The following PLCB4 variants were observed in gnomAD, a reference collection of about 807,000 sequenced individuals.
PLCB4 encodes the protein phospholipase C beta 4, also known as 1-phosphatidylinositol 4,5-bisphosphate phosphodiesterase beta-4.
In PLCB4, 77 loss-of-function variants were observed where a neutral mutation model predicts 178.8. The ratio of observed to expected loss-of-function variants is 0.43; its 90% CI spans 0.36 to 0.52. The LOEUF is 0.52. Among genes scored for constraint, PLCB4 ranks in the 20% least tolerant of loss-of-function variants. The pLI, the probability that PLCB4 is intolerant of heterozygous loss-of-function variation, is 0.00. For synonymous variants in PLCB4, 496 were observed against 490.8 expected (o/e 1.01, Z -0.14); for missense variants, 1,024 against 1,453.4 (o/e 0.70, Z 4.80).
chr20:9,428,153 A>T (rs1423219863), intron 28 of PLCB4, among the ~76,000 whole-genome samples: 3 of 152,220 alleles, frequency 2.0e-5, no homozygotes, highest in African/African-American at 7.2e-5. Context: ...CTTAATTAAG[A>T]TGCCATTCCT....
At chr20:9,390,182 T>G (rs1231068653) in intron 16 of PLCB4, among the ~76,000 whole-genome samples, 1 of 152,152 alleles carries the variant, frequency 6.6e-6, no homozygotes, top group African/African-American at 2.4e-5. Context: ...ACCAAATCAT[T>G]TTAATGTGTT....
chr20:9,414,152 G>A (rs556829099), intron 25 of PLCB4, among the ~76,000 whole-genome samples: 7 of 152,324 alleles, frequency 4.6e-5, no homozygotes, highest in African/African-American at 7.2e-5. Flanking sequence ...TGTGTTGGAC[G>A]CTATGTGACT....
chr20:9,452,704 A>C (rs988036483), intron 32 of PLCB4, among the ~76,000 whole-genome samples: 10 of 152,354 alleles, frequency 6.6e-5, no homozygotes, highest in African/African-American at 2.4e-4. Flanking sequence ...AATGTTTTAA[A>C]TATCTGTAAA....
chr20:9,391,761 A>G (rs1377585774), intron 17 of PLCB4, among the ~76,000 whole-genome samples: 1 of 152,132 alleles, frequency 6.6e-6, no homozygotes, highest in Non-Finnish European at 1.5e-5. Context: ...CTGCTCTGCC[A>G]CACATGAAAG....
chr20:9,102,019 A>G (rs562790501), intron 2 of PLCB4, among the ~76,000 whole-genome samples: 6 of 151,754 alleles, frequency 4.0e-5, no homozygotes, highest in Non-Finnish European at 7.4e-5. Flanking sequence ...TAATTTTTGT[A>G]TTTTTAGTAG....
chr20:9,293,930 C>T (rs1278920494), intron 3 of PLCB4, among the ~76,000 whole-genome samples: 1 of 151,998 alleles, frequency 6.6e-6, no homozygotes, highest in Non-Finnish European at 1.5e-5. Context: ...GTGCAAAATG[C>T]TCAGTACCGG....
intron 2 of PLCB4, among the ~76,000 whole-genome samples, chr20:9,104,493 T>G (rs980853955): frequency 6.6e-6 from 1 of 152,120 alleles, no homozygotes; most frequent in African/African-American, 2.4e-5. Flanking sequence ...TCTCTCTGCC[T>G]CAGTCCTTCT....
At chr20:9,114,742 T>C (rs1338741442) in intron 2 of PLCB4, among the ~76,000 whole-genome samples, 3 of 152,186 alleles carry the variant, frequency 2.0e-5, no homozygotes, top group Admixed American at 6.5e-5. Context: ...AAAGGCAGCT[T>C]TCTGGAATCA....
intron 2 of PLCB4, among the ~76,000 whole-genome samples, chr20:9,160,892 G>T (rs1377009087): frequency 1.3e-5 from 2 of 152,140 alleles, no homozygotes; most frequent in African/African-American, 4.8e-5. Flanking sequence ...GCATGAAAAG[G>T]ACTTTTATTA....
intron 7 of PLCB4, among the ~76,000 whole-genome samples, chr20:9,361,076 G>A (rs2035283406): frequency 6.6e-6 from 1 of 152,114 alleles, no homozygotes; most frequent in South Asian, 2.1e-4. Context: ...TGTTGGTGGG[G>A]GAAAAATGGT....
intron 4 of PLCB4, among the ~76,000 whole-genome samples, chr20:9,311,805 A>G (rs775689866): frequency 1.3e-5 from 2 of 152,208 alleles, no homozygotes; most frequent in Non-Finnish European, 2.9e-5. Flanking sequence ...ATTCTTAAGA[A>G]GGAGACTGCC....
Position 9,435,552 on chromosome 20 carries a change from TCCCC to T in PLCB4, c.2525-7_2525-4del. ...ATTAACGGCTCATTGGGTTTTTTTT[TCCCC>T]TAGATATCGTGGATGCTTTATCAGA... On this transcript the variant is annotated splice_polypyrimidine_tract_variant and splice_region_variant and intron_variant, in intron 28 of 39. Transcript: ENST00000378473. 6.5e-7 allele frequency: 1 copy of T among 1,543,118 alleles called. No homozygotes were observed. Among genetic ancestry groups the T allele is most frequent in the Non-Finnish European group, 8.9e-7 (1 of 1,121,144 alleles).
chr20:9,292,259 A>G (rs1169904293), intron 3 of PLCB4, among the ~76,000 whole-genome samples: 1 of 152,212 alleles, frequency 6.6e-6, no homozygotes. Context: ...AGGCAAAATC[A>G]GGCTTCTAAA....
At chr20:9,184,705 A>C (rs2093303841) in intron 2 of PLCB4, among the ~76,000 whole-genome samples, 1 of 151,968 alleles carries the variant, frequency 6.6e-6, no homozygotes, top group Non-Finnish European at 1.5e-5. Flanking sequence ...GCCACTATGA[A>C]CCGATTTATG....
chr20:9,292,568 C>G (rs1327428066), intron 3 of PLCB4, among the ~76,000 whole-genome samples: 1 of 152,152 alleles, frequency 6.6e-6, no homozygotes, highest in Non-Finnish European at 1.5e-5. Flanking sequence ...AACAGAGGTT[C>G]AGGCCATAGA....
At chr20:9,265,253 C>T (rs1342184710) in intron 3 of PLCB4, among the ~76,000 whole-genome samples, 1 of 151,944 alleles carries the variant, frequency 6.6e-6, no homozygotes, top group Non-Finnish European at 1.5e-5. Context: ...GAGCTCAAGG[C>T]AGATGGATCA....
Position 9,194,378 on chromosome 20 carries a change from C to T in PLCB4, c.-78-23012C>T, listed in dbSNP as rs866373011. 4.6e-5 allele frequency among the ~76,000 whole-genome samples: 7 copies of T among 152,020 alleles called. No homozygotes were observed. The Middle Eastern group carries it at 0.014, about 295-fold the overall frequency. ...TTTTTTTTCCTGTAAAACATAGTTT[C>T]ACATAGCTTTAAAATCAACCTTTTT... is the stretch of plus-strand genomic sequence containing the variant. On this transcript the variant is annotated intron_variant, in intron 2 of 39. Coordinates refer to ENST00000378473, the MANE Select transcript of PLCB4 (RefSeq NM_001377142.1).
chr20:9,191,318 A>C (rs1176690436), intron 2 of PLCB4, among the ~76,000 whole-genome samples: 1 of 149,962 alleles, frequency 6.7e-6, no homozygotes, highest in African/African-American at 2.5e-5. Flanking sequence ...GTGACCTTAT[A>C]AAAGGGCTGG....
chr20:9,412,754 C>T (rs1440477221), intron 25 of PLCB4, among the ~76,000 whole-genome samples: 1 of 152,108 alleles, frequency 6.6e-6, no homozygotes, highest in Non-Finnish European at 1.5e-5. Flanking sequence ...AGTCCTTATC[C>T]TTGATGTTTC....
Sources: gnomAD v4.1 joint callset for allele counts (sites outside exome capture counted in the v4.1 genomes callset) on GRCh38, gnomAD v4.1.1 for gene constraint, MANE v1.5 for transcripts, NCBI Gene and HGNC (gene_info 2026-07-23, HGNC 2026-07-21) for gene names.